The following ST8SIA6 variants were observed in gnomAD, a reference collection of about 807,000 sequenced individuals.
ST8SIA6 encodes ST8 alpha-N-acetyl-neuraminide alpha-2,8-sialyltransferase 6.
ST8SIA6 carries 39 observed loss-of-function variants against 33.6 expected under a neutral mutation model. That is an observed-to-expected ratio of 1.16 (90% CI 0.90 to 1.52). The LOEUF (loss-of-function observed/expected upper bound fraction) is 1.52, where lower values mean the gene tolerates loss of function less well. Among genes scored for constraint, ST8SIA6 ranks in the 40% most tolerant of loss-of-function variants. The pLI is 0.00. For missense variants in ST8SIA6, 441 were observed against 443.8 expected (o/e 0.99, Z 0.06); for synonymous variants, 172 against 167.2 (o/e 1.03, Z -0.22).
chr10:17,431,381 T>C (rs1037504981), intron 2 of ST8SIA6, among the ~76,000 whole-genome samples: 5 of 152,196 alleles, frequency 3.3e-5, no homozygotes, highest in African/African-American at 7.2e-5. Flanking sequence ...AAGCACATCA[T>C]TTCAAAGTGT....
At chr10:17,375,202 C>T (rs992792735) in intron 3 of ST8SIA6, among the ~76,000 whole-genome samples, 8 of 152,056 alleles carry the variant, frequency 5.3e-5, no homozygotes, top group African/African-American at 1.9e-4. Context: ...ATCAAAGCAC[C>T]ATAGATTTAA....
At chr10:17,367,775 T>G (rs1340858229) in intron 3 of ST8SIA6, among the ~76,000 whole-genome samples, 3 of 152,132 alleles carry the variant, frequency 2.0e-5, no homozygotes, top group Admixed American at 1.3e-4. Context: ...AATTGCAGAG[T>G]CTGATAAAAC....
At chr10:17,423,928 T>A (rs1851856633) in intron 2 of ST8SIA6, among the ~76,000 whole-genome samples, 1 of 152,178 alleles carries the variant, frequency 6.6e-6, no homozygotes, top group Non-Finnish European at 1.5e-5. Flanking sequence ...GTGACAGTTA[T>A]TGCAAAATTA....
intron 7 of ST8SIA6, among the ~76,000 whole-genome samples, chr10:17,322,607 T>C (rs1426611773): frequency 6.6e-6 from 1 of 152,214 alleles, no homozygotes; most frequent in Non-Finnish European, 1.5e-5. Context: ...AATTGTATGG[T>C]AGTTATGTTG....
intron 4 of ST8SIA6, among the ~76,000 whole-genome samples, chr10:17,356,539 C>T (rs560015019): frequency 2.6e-5 from 4 of 152,030 alleles, no homozygotes; most frequent in African/African-American, 9.6e-5. Context: ...AAGTATGCCC[C>T]GTTATGCCCA....
chr10:17,377,288 C>T (rs1253194629), intron 3 of ST8SIA6, among the ~76,000 whole-genome samples: 1 of 152,188 alleles, frequency 6.6e-6, no homozygotes, highest in African/African-American at 2.4e-5. Context: ...CCACCCCTCT[C>T]TCCCTTTGCT....
At position 17,421,605 on chromosome 10, in the gene ST8SIA6, C is replaced by T. The variant is rs868123810; in HGVS notation, c.201-30985G>A. ...TAAGACTGGGTCTTGCTTTGTTGCT[C>T]AGGCTAGAGTGTAGTGGTGTAATCA... On this transcript the variant is annotated intron_variant, in intron 2 of 7. Coordinates refer to ENST00000377602, the MANE Select transcript of ST8SIA6 (RefSeq NM_001004470.3). 1.8e-4 allele frequency among the ~76,000 whole-genome samples: 27 copies of T among 152,166 alleles called. No individual in the cohort carries two copies. In the Middle Eastern group the frequency reaches 0.01, roughly 58 times the overall value.
At chr10:17,321,458 C>T in intron 7 of ST8SIA6, 112 bp from the exon 8 acceptor site, 1 of 842,770 alleles carries the variant, frequency 1.2e-6, no homozygotes, top group Non-Finnish European at 1.8e-6. Context: ...GATTTGTATA[C>T]TGTATATAAA....
At chr10:17,377,251 T>C (rs902292209) in intron 3 of ST8SIA6, among the ~76,000 whole-genome samples, 3 of 152,122 alleles carry the variant, frequency 2.0e-5, no homozygotes, top group Non-Finnish European at 4.4e-5. Flanking sequence ...CATTTTCCAC[T>C]ACCTACCCAA....
At chr10:17,403,134 G>A (rs45576833) in intron 2 of ST8SIA6, among the ~76,000 whole-genome samples, 3,072 of 152,188 alleles carry the variant, frequency 0.02, 66 homozygotes, top group East Asian at 0.077. Flanking sequence ...CCCCAAACAG[G>A]GAAACAGATG....
At chr10:17,340,277 C>A (rs1187765521) in intron 4 of ST8SIA6, among the ~76,000 whole-genome samples, 1 of 152,092 alleles carries the variant, frequency 6.6e-6, no homozygotes, top group Non-Finnish European at 1.5e-5. Context: ...CCTGCTTCGT[C>A]CTGAGTCACC....
At chr10:17,428,787 C>T (rs1057214084) in intron 2 of ST8SIA6, among the ~76,000 whole-genome samples, 2 of 152,142 alleles carry the variant, frequency 1.3e-5, no homozygotes, top group African/African-American at 4.8e-5. Context: ...TCGTGTGATG[C>T]GGAAGGCATG....
At chr10:17,442,596 A>G (rs772383951) in intron 2 of ST8SIA6, among the ~76,000 whole-genome samples, 7 of 152,198 alleles carry the variant, frequency 4.6e-5, no homozygotes, top group Non-Finnish European at 7.3e-5. Flanking sequence ...GACTGAAGAG[A>G]TATGTGATCA....
At chr10:17,441,632 G>T (rs1461871727) in intron 2 of ST8SIA6, among the ~76,000 whole-genome samples, 1 of 151,772 alleles carries the variant, frequency 6.6e-6, no homozygotes, top group African/African-American at 2.4e-5. Flanking sequence ...TTATCTTTTT[G>T]CTTATAGAGA....
intron 2 of ST8SIA6, among the ~76,000 whole-genome samples, chr10:17,421,809 C>G (rs973689074): frequency 3.3e-5 from 5 of 152,264 alleles, no homozygotes; most frequent in African/African-American, 1.2e-4. Context: ...TCCAGTCATC[C>G]TCCCTCTTTG....
intron 2 of ST8SIA6, among the ~76,000 whole-genome samples, chr10:17,397,169 T>C (rs1325387935): frequency 6.6e-6 from 1 of 152,124 alleles, no homozygotes; most frequent in East Asian, 1.9e-4. Context: ...TGCCAACCTT[T>C]TTCTCCTTCA....
chr10:17,374,851 A>C (rs1849857760), intron 3 of ST8SIA6, among the ~76,000 whole-genome samples: 1 of 151,546 alleles, frequency 6.6e-6, no homozygotes, highest in South Asian at 2.1e-4. Flanking sequence ...ATTTCCCAAA[A>C]TACTAAGAAT....
intron 2 of ST8SIA6, among the ~76,000 whole-genome samples, chr10:17,434,573 A>G (rs763469360): frequency 3.9e-5 from 6 of 152,318 alleles, no homozygotes; most frequent in Middle Eastern, 6.8e-3. Context: ...TTGGATATAA[A>G]TTCATTCTTT....
chr10:17,338,262 G>A (rs558543577), intron 4 of ST8SIA6, among the ~76,000 whole-genome samples: 6 of 152,268 alleles, frequency 3.9e-5, no homozygotes, highest in Non-Finnish European at 8.8e-5. Context: ...TTGAACTCCC[G>A]ACCTCAGTGA....
Sources: gnomAD v4.1 joint callset for allele counts (sites outside exome capture counted in the v4.1 genomes callset) on GRCh38, gnomAD v4.1.1 for gene constraint, MANE v1.5 for transcripts, NCBI Gene and HGNC (gene_info 2026-07-23, HGNC 2026-07-21) for gene names.